MAP3K3: variants seen among roughly 807,000 people sequenced by gnomAD.
The protein encoded by MAP3K3 is MAP/ERK kinase kinase 3.
A neutral mutation model predicts 80.9 loss-of-function variants in MAP3K3; 12 were observed. The observed-to-expected ratio is 0.15, with a 90% confidence interval of 0.10 to 0.24. The LOEUF is 0.24. Among genes scored for constraint, MAP3K3 ranks in the 10% least tolerant of loss-of-function variants. MAP3K3 has a pLI of 1.00. For synonymous variants in MAP3K3, 272 were observed against 307.1 expected (o/e 0.89, Z 1.19); for missense variants, 596 against 834.7 (o/e 0.71, Z 3.52).
chr17:63,652,611 A>C lies in MAP3K3; in HGVS notation c.222A>C (p.Thr74=), dbSNP rs752030368. 5.6e-6 allele frequency: 9 copies of C among 1,613,946 alleles called. No individual in the cohort carries two copies. The Admixed American group carries it at 1.5e-4, about 27-fold the overall frequency. The part of the protein sequence containing the change: ...VKYEDVEHKV[T]TVFGQPLDLH... ...ATGAAGATGTGGAGCACAAGGTGAC[A>C]ACAGTATTTGGACAACCTCTTGATC... The change falls in exon 4 of 16, where the codon ACA becomes ACC. Residue 74 remains threonine (T), a synonymous_variant. Coordinates refer to ENST00000361733, the MANE Select transcript of MAP3K3 (RefSeq NM_002401.5).
intron 5 of MAP3K3, among the ~76,000 whole-genome samples, chr17:63,665,235 G>T (rs552378917): frequency 4.5e-4 from 69 of 152,088 alleles, no homozygotes; most frequent in Non-Finnish European, 8.8e-4. Context: ...GTGCGATCTC[G>T]GCTCACTGCA....
chr17:63,622,808 A>ACGCCC, intron 1 of MAP3K3, 45 bp downstream of exon 1: 1 of 464,308 alleles, frequency 2.2e-6, no homozygotes, highest in South Asian at 1.6e-5. Context: ...CTGCTTCGCG[A>ACGCCC]CGCCCCGCCC....
At chr17:63,678,804 C>T (rs182922264) in intron 6 of MAP3K3, among the ~76,000 whole-genome samples, 10 of 151,452 alleles carry the variant, frequency 6.6e-5, no homozygotes, top group East Asian at 4.0e-4. Context: ...CTGAGACAGG[C>T]AGATCACCTG....
chr17:63,691,147 C>G lies in MAP3K3; in HGVS notation c.1258C>G (p.Gln420Glu), dbSNP rs777869698. 1.9e-6 allele frequency: 3 copies of G among 1,614,200 alleles called. No individual in the cohort carries two copies. Among genetic ancestry groups the G allele is most frequent in the Non-Finnish European group, 2.5e-6 (3 of 1,180,024 alleles). ...ECEIQLLKNL[Q>E]HERIVQYYGC... is the part of the protein sequence containing the mutation. Reference sequence around the variant, plus strand: ...CGAGATCCAGTTGCTAAAGAACTTGCAGCATGAGCGCATCGTGCAGTACTA... The same window carrying G: ...CGAGATCCAGTTGCTAAAGAACTTGGAGCATGAGCGCATCGTGCAGTACTA... The change falls in exon 13 of 16, where the codon CAG becomes GAG. Residue 420 changes from glutamine to glutamate, a missense_variant. By Grantham distance (29) the Gln-to-Glu change is conservative. Transcript: ENST00000361733. The surrounding 1 kb of genome is among the most constrained non-coding windows in gnomAD (Gnocchi z 4.8).
intron 2 of MAP3K3, among the ~76,000 whole-genome samples, chr17:63,639,337 A>C (rs890934164): frequency 2.6e-5 from 4 of 152,186 alleles, no homozygotes; most frequent in African/African-American, 9.7e-5. Flanking sequence ...GGAAGAAGCA[A>C]ACATGGCTTG....
chr17:63,641,811 C>T (rs1025991467), intron 2 of MAP3K3, among the ~76,000 whole-genome samples: 7 of 151,590 alleles, frequency 4.6e-5, no homozygotes, highest in Admixed American at 2.6e-4. Flanking sequence ...AGTCAGAAGT[C>T]GCAAGGTTGA....
intron 5 of MAP3K3, among the ~76,000 whole-genome samples, chr17:63,665,715 C>T (rs1026247753): frequency 1.2e-4 from 19 of 152,126 alleles, no homozygotes; most frequent in African/African-American, 4.6e-4. Context: ...AGAGCTATTG[C>T]ACATCGGAGG....
At position 63,693,502 on chromosome 17, in the gene MAP3K3, G is replaced by GCT; in HGVS notation, c.1653-47_1653-46insCT. On this transcript the variant is annotated intron_variant, in intron 15 of 15. Coordinates refer to ENST00000361733, the MANE Select transcript of MAP3K3 (RefSeq NM_002401.5). The surrounding 1 kb of genome is among the most constrained non-coding windows in gnomAD (Gnocchi z 4.2). The stretch of plus-strand genomic sequence containing the variant: ...TCTGCAGTGGTGGGCAGGACAGCTG[G>GCT]GAGTCCAGGGCTGGCTGAGGGGTGA... 6.5e-7 allele frequency: 1 copy of GCT among 1,527,274 alleles called. No individual in the cohort carries two copies. 94.6% of individuals were successfully genotyped at this position (1,527,274 alleles called of 1,614,324 possible).
chr17:63,651,389 C>A (rs1397369185), intron 3 of MAP3K3, among the ~76,000 whole-genome samples: 2 of 150,824 alleles, frequency 1.3e-5, no homozygotes, highest in Non-Finnish European at 2.9e-5. Context: ...AGGAGGATTG[C>A]GTGAGCCCCA....
intron 3 of MAP3K3, among the ~76,000 whole-genome samples, chr17:63,651,413 C>T (rs1345463147): frequency 7.4e-6 from 1 of 135,196 alleles, no homozygotes; most frequent in Non-Finnish European, 1.6e-5. Flanking sequence ...GTTGAAGCTG[C>T]AGTGAGCCGT....
At chr17:63,685,652 G>A in intron 8 of MAP3K3, 62 bp downstream of exon 8, 3 of 1,404,030 alleles carry the variant, frequency 2.1e-6, no homozygotes, top group East Asian at 2.3e-5. Context: ...GATGGGTTGA[G>A]GAAGAAGAGT....
intron 1 of MAP3K3, among the ~76,000 whole-genome samples, chr17:63,627,248 T>G (rs2034121030): frequency 6.6e-6 from 1 of 152,172 alleles, no homozygotes; most frequent in Non-Finnish European, 1.5e-5. Context: ...TGATAGATCC[T>G]TTTCTAGTTC....
intron 5 of MAP3K3, among the ~76,000 whole-genome samples, chr17:63,666,374 C>G (rs935953534): frequency 6.6e-6 from 1 of 152,170 alleles, no homozygotes; most frequent in Non-Finnish European, 1.5e-5. Flanking sequence ...TAGCATGTAC[C>G]TATAGTCTCA....
intron 5 of MAP3K3, among the ~76,000 whole-genome samples, chr17:63,663,976 C>T (rs950636587): frequency 6.6e-6 from 1 of 152,138 alleles, no homozygotes. Context: ...GGCGCGGTGG[C>T]TCACGCCTGT....
chr17:63,644,885 C>G (rs1015620334), intron 2 of MAP3K3, among the ~76,000 whole-genome samples: 1 of 152,118 alleles, frequency 6.6e-6, no homozygotes, highest in South Asian at 2.1e-4. Context: ...TCATTCTCTC[C>G]TTTATCTCTA....
rs116060366 is a variant in MAP3K3, at chr17:63,637,399, G to A, written c.126+4597G>A. On this transcript the variant is annotated intron_variant, in intron 2 of 15. Transcript: ENST00000361733. Reference sequence around the variant, plus strand: ...CCAAGCCTTCTGATTCCTAGTCACCGTAATTTTACCATGTATAAGTCATAT... The same window carrying A: ...CCAAGCCTTCTGATTCCTAGTCACCATAATTTTACCATGTATAAGTCATAT... Among the ~76,000 whole-genome samples the A allele has an allele frequency of 1.9e-3, 289 of 152,262 alleles. 3 individuals are homozygous for A. The highest frequency in any genetic ancestry group is 6.4e-3 in the African/African-American group (268 of 41,556).
chr17:63,638,768 C>A (rs1283153790), intron 2 of MAP3K3, among the ~76,000 whole-genome samples: 1 of 152,202 alleles, frequency 6.6e-6, no homozygotes, highest in Non-Finnish European at 1.5e-5. Flanking sequence ...GTATGTCGGT[C>A]AGGAGTGGTG....
intron 6 of MAP3K3, among the ~76,000 whole-genome samples, chr17:63,669,835 C>T (rs1334052277): frequency 1.3e-5 from 2 of 152,132 alleles, no homozygotes; most frequent in Non-Finnish European, 1.5e-5. Context: ...GGCATGGTGG[C>T]TTATGCCTAT....
Position 63,692,616 on chromosome 17 carries a change from C to T in MAP3K3, c.1652+197C>T, listed in dbSNP as rs968936051. On this transcript the variant is annotated intron_variant, in intron 15 of 15. Transcript: ENST00000361733. This position sits in a 1 kb window ranked among gnomAD's most constrained non-coding sequence, Gnocchi z 4.5. ...GTGCTCAAAGCACACTCCATTAGAG[C>T]TGGGAACTTAGGCCATGGAAAACAT... 1.2e-4 allele frequency among the ~76,000 whole-genome samples: 18 copies of T among 152,230 alleles called. 1 individual carries two copies. The highest frequency in any genetic ancestry group is 3.9e-4 in the African/African-American group (16 of 41,448).
Sources: gnomAD v4.1 joint callset for allele counts (sites outside exome capture counted in the v4.1 genomes callset) on GRCh38, gnomAD v4.1.1 for gene constraint, Gnocchi (gnomAD v3.1) non-coding constraint, MANE v1.5 for transcripts, NCBI Gene and HGNC (gene_info 2026-07-23, HGNC 2026-07-21) for gene names.